The following KCTD8 variants were observed in gnomAD, a reference collection of about 807,000 sequenced individuals.
KCTD8 encodes BTB/POZ domain-containing protein KCTD8.
Under a neutral mutation model 31.5 loss-of-function variants are expected in KCTD8, and 27 were observed. The observed-to-expected ratio is 0.86, with a 90% CI of 0.63 to 1.18. The LOEUF (loss-of-function observed/expected upper bound fraction) is 1.18. KCTD8 is among the 50% of genes most tolerant of loss of function. KCTD8 has a pLI of 0.00. For synonymous variants in KCTD8, 290 were observed against 280.0 expected (o/e 1.04, Z -0.36); for missense variants, 658 against 647.7 (o/e 1.02, Z -0.17).
intron 1 of KCTD8, among the ~76,000 whole-genome samples, chr4:44,432,194 T>G (rs1721523062): frequency 6.6e-6 from 1 of 151,398 alleles, no homozygotes; most frequent in Non-Finnish European, 1.5e-5. Flanking sequence ...ATTTTAATTA[T>G]AAAATAAAAA....
chr4:44,398,644 CT>C (rs1005645667), intron 1 of KCTD8, among the ~76,000 whole-genome samples: 4 of 152,166 alleles, frequency 2.6e-5, no homozygotes, highest in Admixed American at 2.0e-4. Context: ...GGAACGAACT[CT>C]CAAAGACTTC....
chr4:44,257,797 C>T (rs375797549), intron 1 of KCTD8, among the ~76,000 whole-genome samples: 3 of 151,880 alleles, frequency 2.0e-5, no homozygotes, highest in East Asian at 1.9e-4. Flanking sequence ...TGGATAAGGC[C>T]CCTGCCTTTC....
At chr4:44,336,482 T>A (rs541916813) in intron 1 of KCTD8, among the ~76,000 whole-genome samples, 2 of 152,090 alleles carry the variant, frequency 1.3e-5, no homozygotes, top group African/African-American at 2.4e-5. Flanking sequence ...AGACAACATT[T>A]TATTTATGGT....
At chr4:44,385,066 A>G (rs1200840704) in intron 1 of KCTD8, among the ~76,000 whole-genome samples, 1 of 151,638 alleles carries the variant, frequency 6.6e-6, no homozygotes, top group Non-Finnish European at 1.5e-5. Context: ...AAACTGAAGA[A>G]GAAGAACAAC....
intron 1 of KCTD8, among the ~76,000 whole-genome samples, chr4:44,335,282 G>A (rs930227005): frequency 1.6e-4 from 24 of 151,430 alleles, no homozygotes; most frequent in African/African-American, 5.8e-4. Flanking sequence ...TATTAGCCAC[G>A]GGAGATATTC....
intron 1 of KCTD8, among the ~76,000 whole-genome samples, chr4:44,285,460 T>G (rs562544942): frequency 3.8e-4 from 57 of 149,014 alleles, no homozygotes; most frequent in African/African-American, 9.0e-4. Flanking sequence ...CATCACACAC[T>G]GGGGCCTGTA....
intron 1 of KCTD8, among the ~76,000 whole-genome samples, chr4:44,194,890 T>G (rs2109336555): frequency 6.8e-6 from 1 of 146,866 alleles, no homozygotes; most frequent in South Asian, 2.3e-4. Context: ...AGTTTCATTC[T>G]TGTTGCCCAG....
chr4:44,330,439 T>C (rs1431873251), intron 1 of KCTD8, among the ~76,000 whole-genome samples: 1 of 151,962 alleles, frequency 6.6e-6, no homozygotes. Flanking sequence ...TAGTTTCATA[T>C]ACCATGTTTT....
intron 1 of KCTD8, among the ~76,000 whole-genome samples, chr4:44,396,494 C>T (rs1442020232): frequency 1.3e-5 from 2 of 151,886 alleles, no homozygotes; most frequent in East Asian, 3.9e-4. Flanking sequence ...TAAACAGATA[C>T]TTGCCATTTT....
At chr4:44,298,596 C>T (rs1717514281) in intron 1 of KCTD8, among the ~76,000 whole-genome samples, 1 of 152,078 alleles carries the variant, frequency 6.6e-6, no homozygotes, top group Non-Finnish European at 1.5e-5. Flanking sequence ...TAAGAAATAG[C>T]TCCCTGGAGA....
intron 1 of KCTD8, among the ~76,000 whole-genome samples, chr4:44,396,417 A>G (rs1335721939): frequency 6.6e-6 from 1 of 151,756 alleles, no homozygotes; most frequent in Non-Finnish European, 1.5e-5. Context: ...AGAGTGCACT[A>G]TAGAGTGTTT....
chr4:44,203,258 G>A (rs1248224411), intron 1 of KCTD8, among the ~76,000 whole-genome samples: 3 of 152,038 alleles, frequency 2.0e-5, no homozygotes, highest in Non-Finnish European at 2.9e-5. Flanking sequence ...ATCCCAACAC[G>A]TTGGGAGGCC....
intron 1 of KCTD8, among the ~76,000 whole-genome samples, chr4:44,195,558 G>T (rs1473134229): frequency 1.3e-5 from 2 of 152,062 alleles, no homozygotes; most frequent in African/African-American, 4.8e-5. Context: ...GTTTTTTATT[G>T]GTTTCGTTCT....
chr4:44,218,574 C>CTATA (rs1237643692), intron 1 of KCTD8, among the ~76,000 whole-genome samples: 2 of 148,024 alleles, frequency 1.4e-5, no homozygotes, highest in Non-Finnish European at 3.0e-5. Flanking sequence ...AAATATATAT[C>CTATA]TATATATATA....
At chr4:44,352,481 T>A (rs1719228224) in intron 1 of KCTD8, among the ~76,000 whole-genome samples, 1 of 148,548 alleles carries the variant, frequency 6.7e-6, no homozygotes, top group Non-Finnish European at 1.5e-5. Flanking sequence ...AGAATAGAAA[T>A]ATTACAAAAT....
chr4:44,306,174 A>G (rs957734677), intron 1 of KCTD8, among the ~76,000 whole-genome samples: 1 of 152,018 alleles, frequency 6.6e-6, no homozygotes, highest in Non-Finnish European at 1.5e-5. Flanking sequence ...TAAATGTAAA[A>G]ACAGAAGATT....
chr4:44,181,591 A>G (rs964479823), intron 1 of KCTD8, among the ~76,000 whole-genome samples: 3 of 152,088 alleles, frequency 2.0e-5, no homozygotes, highest in Non-Finnish European at 4.4e-5. Context: ...GATCTCGGCT[A>G]GCTACAACCT....
intron 1 of KCTD8, among the ~76,000 whole-genome samples, chr4:44,195,735 G>A (rs1713920275): frequency 6.6e-6 from 1 of 152,116 alleles, no homozygotes; most frequent in South Asian, 2.1e-4. Flanking sequence ...AATTTGAAAA[G>A]TTACTAACAC....
chr4:44,309,597 T>C (rs1360949926), intron 1 of KCTD8, among the ~76,000 whole-genome samples: 1 of 152,102 alleles, frequency 6.6e-6, no homozygotes, highest in East Asian at 1.9e-4. Context: ...TTTATAACTG[T>C]CACAAAATGA....
Sources: allele counts gnomAD v4.1 joint callset (sites outside exome capture counted in the v4.1 genomes callset), GRCh38; gene constraint gnomAD v4.1.1; transcripts MANE v1.5; gene names NCBI Gene and HGNC (gene_info 2026-07-23, HGNC 2026-07-21).